Variants in NAPB observed in about 807,000 individuals in gnomAD.
NAPB encodes the protein beta-soluble NSF attachment protein.
In NAPB, 26 loss-of-function variants were observed where a neutral mutation model predicts 44.7. The ratio of observed to expected loss-of-function variants is 0.58; its 90% CI spans 0.43 to 0.81. The LOEUF is 0.81. NAPB is among the 30% of genes least tolerant of loss of function. The pLI, the probability that NAPB is intolerant of heterozygous loss-of-function variation, is 0.00. For synonymous variants in NAPB, 120 were observed against 116.8 expected (o/e 1.03, Z -0.18); for missense variants, 315 against 356.4 (o/e 0.88, Z 0.94).
intron 5 of NAPB, among the ~76,000 whole-genome samples, chr20:23,394,154 G>A (rs576335528): frequency 2.0e-5 from 3 of 152,320 alleles, no homozygotes; most frequent in African/African-American, 7.2e-5. Context: ...AACAGAGTAT[G>A]ATGCAATGCT....
chr20:23,378,421 A>T (rs1206051638), intron 10 of NAPB, among the ~76,000 whole-genome samples: 2 of 148,894 alleles, frequency 1.3e-5, no homozygotes, highest in South Asian at 2.1e-4. Context: ...TCATATTTTT[A>T]ATATATATAT....
rs1982589423 is a variant in NAPB, at chr20:23,377,228, C to A, written c.*148G>T. ...CTCTCCTTCATTCATTTCACAGCAA[C>A]ACAGACTTGGCGAGCTTAAACAATA... On this transcript the variant is annotated 3_prime_UTR_variant, in exon 11 of 11. Transcript: ENST00000377026. The A allele has an allele frequency of 7.1e-6, 3 of 424,106 alleles. No homozygotes were observed. The highest frequency in any genetic ancestry group is 1.3e-5 in the Non-Finnish European group (3 of 235,266). The allele number at this position is 424,106 out of a possible 1,614,324, so 26.3% of individuals were successfully genotyped here.
At chr20:23,391,872 A>T (rs1055082980) in intron 5 of NAPB, among the ~76,000 whole-genome samples, 1 of 152,260 alleles carries the variant, frequency 6.6e-6, no homozygotes, top group African/African-American at 2.4e-5. Flanking sequence ...AAGGTTTCAC[A>T]GCAAATGCAA....
chr20:23,381,472 T>G (rs576993997), intron 7 of NAPB, among the ~76,000 whole-genome samples, 155 bp from the exon 8 acceptor site: 3 of 152,290 alleles, frequency 2.0e-5, no homozygotes, highest in African/African-American at 7.2e-5. Flanking sequence ...TAGTAGAAAT[T>G]TTACTAGACA....
chr20:23,397,963 A>G (rs1254369807), intron 2 of NAPB, among the ~76,000 whole-genome samples: 1 of 152,160 alleles, frequency 6.6e-6, no homozygotes, highest in East Asian at 1.9e-4. Flanking sequence ...GCTGGAAAAG[A>G]AAGAGGGAAG....
intron 2 of NAPB, among the ~76,000 whole-genome samples, chr20:23,398,059 G>A (rs1199556825): frequency 6.6e-6 from 1 of 152,184 alleles, no homozygotes; most frequent in African/African-American, 2.4e-5. Flanking sequence ...TGACAAGCCT[G>A]CCCTGACTGG....
Position 23,375,955 on chromosome 20 carries a change from C to A in NAPB, c.*1421G>T, listed in dbSNP as rs547482744. The A allele has an allele frequency of 6.6e-6, 1 of 152,286 alleles. No individual in the cohort carries two copies. Among genetic ancestry groups the A allele is most frequent in the East Asian group, 1.9e-4 (1 of 5,194 alleles). 9.4% of individuals were successfully genotyped at this position (152,286 alleles called of 1,614,324 possible). A position where few individuals can be genotyped will look rare whatever the true frequency, so the allele number is the denominator to read the frequency against. On this transcript the variant is annotated 3_prime_UTR_variant, in exon 11 of 11. Coordinates refer to ENST00000377026, the MANE Select transcript of NAPB (RefSeq NM_022080.3). ...GACCTACTCATCATTTCTCAAACAA[C>A]CTGCAGTCGACCCTTGGCCTGGAAA... is the stretch of plus-strand genomic sequence containing the variant.
At chr20:23,420,702 C>G (rs1986341237) in intron 1 of NAPB, among the ~76,000 whole-genome samples, 1 of 152,132 alleles carries the variant, frequency 6.6e-6, no homozygotes, top group African/African-American at 2.4e-5. Flanking sequence ...ACCGCGCCCG[C>G]GGGCCTCAGG....
chr20:23,420,946 T>A (rs1986372098), intron 1 of NAPB, among the ~76,000 whole-genome samples: 1 of 145,934 alleles, frequency 6.9e-6, no homozygotes, highest in Non-Finnish European at 1.5e-5. Context: ...TGTTAGGGGA[T>A]CCGGAGAGCG....
chr20:23,411,867 T>C (rs1473480212), intron 1 of NAPB, among the ~76,000 whole-genome samples: 1 of 152,082 alleles, frequency 6.6e-6, no homozygotes, highest in Non-Finnish European at 1.5e-5. Context: ...AAATATAATA[T>C]ACAGTAAATA....
intron 1 of NAPB, among the ~76,000 whole-genome samples, chr20:23,410,342 A>G (rs1280738993): frequency 6.6e-6 from 1 of 152,220 alleles, no homozygotes; most frequent in Non-Finnish European, 1.5e-5. Flanking sequence ...TTGTGTGTCC[A>G]AGAAACTCTG....
chr20:23,389,297 GC>G (rs1358338457), intron 7 of NAPB, among the ~76,000 whole-genome samples: 1 of 149,918 alleles, frequency 6.7e-6, no homozygotes, highest in African/African-American at 2.5e-5. Context: ...GGAACACTGT[GC>G]ATTGCTAGTG....
chr20:23,390,057 A>G, intron 6 of NAPB, 27 bp from the exon 7 acceptor site: 1 of 1,611,116 alleles, frequency 6.2e-7, no homozygotes, highest in South Asian at 1.1e-5. Context: ...AAGCAGAGTG[A>G]GTAACAAGTC....
At chr20:23,418,966 T>C (rs1310005770) in intron 1 of NAPB, among the ~76,000 whole-genome samples, 2 of 152,002 alleles carry the variant, frequency 1.3e-5, no homozygotes, top group African/African-American at 4.8e-5. Context: ...AAATCAATGA[T>C]GCAGTCTACG....
intron 9 of NAPB, 61 bp from the exon 10 acceptor site, chr20:23,379,556 T>C (rs1253776181): frequency 1.5e-6 from 2 of 1,296,664 alleles, no homozygotes; most frequent in Non-Finnish European, 2.2e-6. Flanking sequence ...TTTCTAAATA[T>C]ATACTTTAAG....
At chr20:23,387,596 A>C (rs995939966) in intron 7 of NAPB, among the ~76,000 whole-genome samples, 4 of 152,250 alleles carry the variant, frequency 2.6e-5, no homozygotes, top group Non-Finnish European at 5.9e-5. Context: ...CTAGCAGTTA[A>C]CAATCTTAAA....
At chr20:23,418,251 T>C (rs939591568) in intron 1 of NAPB, among the ~76,000 whole-genome samples, 1 of 152,216 alleles carries the variant, frequency 6.6e-6, no homozygotes, top group Middle Eastern at 3.2e-3. Flanking sequence ...GAGTCTGACA[T>C]AGAGATGGAT....
intron 8 of NAPB, 166 bp downstream of exon 8, chr20:23,381,047 G>T: frequency 1.7e-6 from 1 of 576,328 alleles, no homozygotes. Context: ...TTTGACAGCT[G>T]TTAAAAGATT....
At chr20:23,416,435 G>A (rs1306268596) in intron 1 of NAPB, among the ~76,000 whole-genome samples, 4 of 151,916 alleles carry the variant, frequency 2.6e-5, no homozygotes, top group Admixed American at 6.6e-5. Flanking sequence ...CTTAACAATC[G>A]TGAAAAACAG....
Sources: gnomAD v4.1 joint callset for allele counts (sites outside exome capture counted in the v4.1 genomes callset) on GRCh38, gnomAD v4.1.1 for gene constraint, MANE v1.5 for transcripts, NCBI Gene and HGNC (gene_info 2026-07-23, HGNC 2026-07-21) for gene names.